ERBB4: variants seen among roughly 807,000 people sequenced by gnomAD.
ERBB4 encodes receptor tyrosine-protein kinase erbB-4.
In ERBB4, 42 loss-of-function variants were observed where a neutral mutation model predicts 158.0. The observed-to-expected ratio is 0.27, with a 90% CI of 0.21 to 0.34. The LOEUF (loss-of-function observed/expected upper bound fraction) is 0.34, where lower values mean the gene tolerates loss of function less well. Among genes scored for constraint, ERBB4 ranks in the 10% least tolerant of loss-of-function variants. The pLI, the probability that ERBB4 is intolerant of heterozygous loss-of-function variation, is 1.00. For synonymous variants in ERBB4, 583 were observed against 558.7 expected (o/e 1.04, Z -0.61); for missense variants, 1,333 against 1,624.1 (o/e 0.82, Z 3.08).
chr2:212,498,859 T>A (rs1034288936), intron 1 of ERBB4, among the ~76,000 whole-genome samples: 1 of 151,938 alleles, frequency 6.6e-6, no homozygotes, highest in Non-Finnish European at 1.5e-5. Flanking sequence ...GGGCAGTACA[T>A]CTCTAAACTA....
intron 19 of ERBB4, among the ~76,000 whole-genome samples, chr2:211,598,858 C>T (rs2068713803): frequency 6.6e-6 from 1 of 152,042 alleles, no homozygotes; most frequent in Non-Finnish European, 1.5e-5. Context: ...TTAGACTGCC[C>T]ATATAAATGT....
rs536620642 is a variant in ERBB4, at chr2:211,620,113, G to C, written c.2203-838C>G. Among the ~76,000 whole-genome samples the C allele has an allele frequency of 2.0e-5, 3 of 152,220 alleles. No homozygotes were observed. In the East Asian group the frequency reaches 5.8e-4, roughly 29 times the overall value. On this transcript the variant is annotated intron_variant, in intron 18 of 27. Coordinates refer to ENST00000342788, the MANE Select transcript of ERBB4 (RefSeq NM_005235.3). ...ATTATAGCATTTGAATGAGGACAAT[G>C]ATTTTGATAAGACATACAAGGATGC...
chr2:211,661,526 C>T (rs2071420811), intron 15 of ERBB4, among the ~76,000 whole-genome samples: 1 of 152,106 alleles, frequency 6.6e-6, no homozygotes, highest in Non-Finnish European at 1.5e-5. Context: ...TTTGTTAGTA[C>T]TAATGACTTA....
chr2:212,325,183 T>C (rs1374191141), intron 1 of ERBB4, among the ~76,000 whole-genome samples: 1 of 150,842 alleles, frequency 6.6e-6, no homozygotes, highest in Non-Finnish European at 1.5e-5. Flanking sequence ...TAATATACTT[T>C]CTCCTGTTTA....
At chr2:212,322,173 G>A (rs1218540800) in intron 1 of ERBB4, among the ~76,000 whole-genome samples, 1 of 150,456 alleles carries the variant, frequency 6.6e-6, no homozygotes, top group Non-Finnish European at 1.5e-5. Flanking sequence ...AGGCTTTTCT[G>A]TTGAGGCTGG....
chr2:212,338,503 C>T, intron 1 of ERBB4, among the ~76,000 whole-genome samples: 1 of 152,044 alleles, frequency 6.6e-6, no homozygotes, highest in East Asian at 1.9e-4. Flanking sequence ...AGTATAAAAA[C>T]ACTTCACCAG....
intron 3 of ERBB4, among the ~76,000 whole-genome samples, chr2:211,932,970 A>C (rs944338091): frequency 6.6e-6 from 1 of 152,070 alleles, no homozygotes; most frequent in Non-Finnish European, 1.5e-5. Flanking sequence ...TAAATACATA[A>C]AACGATTGAA....
chr2:212,187,504 T>C (rs1287413782), intron 1 of ERBB4, among the ~76,000 whole-genome samples: 3 of 151,902 alleles, frequency 2.0e-5, no homozygotes, highest in African/African-American at 7.2e-5. Flanking sequence ...GTATTGACAA[T>C]ACATGTTAAT....
chr2:211,761,755 T>C (rs1205462060), intron 4 of ERBB4, among the ~76,000 whole-genome samples: 2 of 152,228 alleles, frequency 1.3e-5, no homozygotes, highest in African/African-American at 4.8e-5. Flanking sequence ...AGCTAAAATA[T>C]TCAAAATACA....
At chr2:212,107,574 CTT>C (rs1159598382) in intron 2 of ERBB4, among the ~76,000 whole-genome samples, 1 of 152,086 alleles carries the variant, frequency 6.6e-6, no homozygotes, top group East Asian at 1.9e-4. Flanking sequence ...TGAGATAAGA[CTT>C]TGGGAGACTG....
intron 2 of ERBB4, among the ~76,000 whole-genome samples, chr2:212,059,101 T>A (rs941456051): frequency 1.3e-5 from 2 of 152,140 alleles, no homozygotes; most frequent in Admixed American, 1.3e-4. Context: ...AGTCTCAGGA[T>A]ACAAAATCAA....
chr2:212,149,996 C>G (rs1168066324), intron 1 of ERBB4, among the ~76,000 whole-genome samples: 1 of 152,126 alleles, frequency 6.6e-6, no homozygotes, highest in Non-Finnish European at 1.5e-5. Context: ...AGCAGGCACT[C>G]AACAGATATT....
At chr2:212,264,387 C>A (rs1175681829) in intron 1 of ERBB4, among the ~76,000 whole-genome samples, 2 of 152,014 alleles carry the variant, frequency 1.3e-5, no homozygotes, top group African/African-American at 4.8e-5. Flanking sequence ...TCATTTCTAC[C>A]CTGCCATTAT....
At chr2:211,579,719 G>C (rs1004649386) in intron 19 of ERBB4, among the ~76,000 whole-genome samples, 2 of 151,484 alleles carry the variant, frequency 1.3e-5, no homozygotes, top group African/African-American at 4.8e-5. Context: ...AATACTGCAT[G>C]TTCTCACTTA....
chr2:212,382,494 T>A (rs1456821822), intron 1 of ERBB4, among the ~76,000 whole-genome samples: 2 of 150,902 alleles, frequency 1.3e-5, no homozygotes, highest in Non-Finnish European at 3.0e-5. Context: ...TGTCCTACTA[T>A]AAGTTCAGGT....
intron 1 of ERBB4, among the ~76,000 whole-genome samples, chr2:212,453,675 T>G (rs1688125517): frequency 6.6e-6 from 1 of 152,170 alleles, no homozygotes; most frequent in African/African-American, 2.4e-5. Flanking sequence ...GGGTCTTTTG[T>G]TATTGTTGTT....
At chr2:212,139,438 A>G (rs2080373339) in intron 1 of ERBB4, among the ~76,000 whole-genome samples, 1 of 152,050 alleles carries the variant, frequency 6.6e-6, no homozygotes, top group African/African-American at 2.4e-5. Context: ...ATTTGGCAAT[A>G]AAGGTATCAA....
rs114300245 is a variant in ERBB4 at position 212,264,902 on chromosome 2, T to G, written c.83-139999A>C. On this transcript the variant is annotated intron_variant, in intron 1 of 27. Transcript: ENST00000342788. ...TCATCTGAAATAAATAAACTCTGGA[T>G]AGCTACTGGTGGCAGTGTTTCCTTC... 6.0e-3 allele frequency among the ~76,000 whole-genome samples: 920 copies of G among 152,200 alleles called. 4 individuals are homozygous for G. The highest frequency in any genetic ancestry group is 0.024 in the South Asian group (114 of 4,820).
At chr2:211,888,641 G>A (rs2078870465) in intron 3 of ERBB4, among the ~76,000 whole-genome samples, 1 of 152,092 alleles carries the variant, frequency 6.6e-6, no homozygotes, top group African/African-American at 2.4e-5. Context: ...GAGGTACCGG[G>A]TTTCTCTCAC....
Sources: allele counts gnomAD v4.1 joint callset (sites outside exome capture counted in the v4.1 genomes callset), GRCh38; gene constraint gnomAD v4.1.1; transcripts MANE v1.5; gene names NCBI Gene and HGNC (gene_info 2026-07-23, HGNC 2026-07-21).